The following WIPF1 variants were observed in gnomAD, a reference collection of about 807,000 sequenced individuals.
WIPF1 encodes WAS/WASL-interacting protein family member 1.
Under a neutral mutation model 35.4 loss-of-function variants are expected in WIPF1, and 13 were observed. The ratio of observed to expected loss-of-function variants is 0.37; its 90% CI spans 0.24 to 0.58. The LOEUF (loss-of-function observed/expected upper bound fraction) is 0.58. WIPF1 is among the 20% of genes least tolerant of loss of function. WIPF1 has a pLI of 0.74. For synonymous variants in WIPF1, 267 were observed against 266.3 expected, an observed-to-expected ratio of 1.00 and a Z score of -0.02; for missense variants, 591 against 667.0, an observed-to-expected ratio of 0.89 and a Z score of 1.25.
At chr2:174,659,890 T>A (rs1687721658) in intron 1 of WIPF1, among the ~76,000 whole-genome samples, 1 of 152,056 alleles carries the variant, frequency 6.6e-6, no homozygotes, top group African/African-American at 2.4e-5. Flanking sequence ...GGCCTGGGAG[T>A]AGGGTCAAGC....
intron 1 of WIPF1, chr2:174,625,948 G>A (rs1052675378): frequency 2.6e-5 from 4 of 152,086 alleles, no homozygotes; most frequent in East Asian, 3.9e-4. Context: ...GAGGGCCAGC[G>A]GTATCTCCTT....
rs1158052520 is a variant in WIPF1 at position 174,595,109 on chromosome 2, A to AATAT, written c.-39+2488_-39+2491dup. On this transcript the variant is annotated intron_variant, in intron 1 of 7. Transcript: ENST00000679041. ...TCTACAAAAAAAAAAAAAAAAAAAA[A>AATAT]ATATATATATATATATATATATATA... 3.1e-3 allele frequency among the ~76,000 whole-genome samples: 176 copies of AATAT among 57,676 alleles called. 1 individual carries two copies. Among genetic ancestry groups the AATAT allele is most frequent in the African/African-American group, 6.2e-3 (69 of 11,144 alleles). The allele number at this position is 57,676 out of a possible 152,430, so 37.8% of individuals were successfully genotyped here. A position where few individuals can be genotyped will look rare whatever the true frequency, so the allele number is the denominator to read the frequency against.
chr2:174,595,109 A>AAAAAAATATATATATAT (rs1553529785), intron 1 of WIPF1, among the ~76,000 whole-genome samples: 1 of 57,738 alleles, frequency 1.7e-5, no homozygotes, highest in African/African-American at 9.0e-5. Flanking sequence ...AAAAAAAAAA[A>AAAAAAATATATATATAT]ATATATATAT....
intron 5 of WIPF1, chr2:174,570,409 G>A (rs1008544616): frequency 6.6e-6 from 1 of 152,100 alleles, no homozygotes; most frequent in Non-Finnish European, 1.5e-5. Flanking sequence ...ATATTTTTCA[G>A]TATTTCTATA....
chr2:174,571,274 T>C lies in WIPF1; in HGVS notation c.1129+402A>G. On this transcript the variant is annotated intron_variant, in intron 5 of 7. Transcript: ENST00000679041. The surrounding 1 kb of genome is among the most constrained non-coding windows in gnomAD (Gnocchi z 4.6). ...TCATTAGCTCTTGAAGAACTTCCCCTCTTGTTGGAATAACAGAGCCCTCCT... is the reference window on the plus strand; with the variant it reads ...TCATTAGCTCTTGAAGAACTTCCCCCCTTGTTGGAATAACAGAGCCCTCCT... 2.4e-6 allele frequency: 1 copy of C among 415,766 alleles called. No homozygotes were observed. The highest frequency in any genetic ancestry group is 3.1e-5 in the South Asian group (1 of 32,264). 25.8% of individuals were successfully genotyped at this position (415,766 alleles called of 1,614,324 possible). A position where few individuals can be genotyped will look rare whatever the true frequency, so the allele number is the denominator to read the frequency against.
chr2:174,649,166 C>T (rs1687481232), intron 1 of WIPF1, among the ~76,000 whole-genome samples: 1 of 152,128 alleles, frequency 6.6e-6, no homozygotes, highest in Non-Finnish European at 1.5e-5. Flanking sequence ...TCAGGCCATA[C>T]TAGGGGTGAT....
chr2:174,633,335 T>C (rs537017710), intron 1 of WIPF1, among the ~76,000 whole-genome samples: 2 of 152,108 alleles, frequency 1.3e-5, no homozygotes, highest in African/African-American at 4.8e-5. Context: ...TTGTTTATCA[T>C]ACAGACACAT....
chr2:174,563,384 C>T (rs1278656632), intron 7 of WIPF1, among the ~76,000 whole-genome samples: 1 of 152,024 alleles, frequency 6.6e-6, no homozygotes, highest in Non-Finnish European at 1.5e-5. Context: ...CCAGTCTGGG[C>T]AACATAGCAA....
chr2:174,595,668 G>A (rs1278028476), intron 1 of WIPF1, among the ~76,000 whole-genome samples: 1 of 152,188 alleles, frequency 6.6e-6, no homozygotes, highest in African/African-American at 2.4e-5. Flanking sequence ...GCCTATGTGT[G>A]TACACCCATG....
intron 1 of WIPF1, among the ~76,000 whole-genome samples, chr2:174,668,114 A>G (rs1687931073): frequency 2.0e-5 from 3 of 152,126 alleles, no homozygotes; most frequent in Admixed American, 2.0e-4. Context: ...GGCACTGTTA[A>G]CCTTGGTCCT....
intron 1 of WIPF1, among the ~76,000 whole-genome samples, chr2:174,603,643 G>A (rs753594298): frequency 6.6e-6 from 1 of 152,304 alleles, no homozygotes; most frequent in East Asian, 1.9e-4. Context: ...GATAAATGTA[G>A]GCTCAAAACT....
chr2:174,667,347 G>A (rs1687913541), intron 1 of WIPF1, among the ~76,000 whole-genome samples: 2 of 152,130 alleles, frequency 1.3e-5, no homozygotes, highest in South Asian at 2.1e-4. Context: ...CTGTGGGTGG[G>A]ATCATGCAAG....
In WIPF1 at chr2:174,572,067, G is replaced by T. The variant is rs1279536286; in HGVS notation, c.738C>A (p.Phe246Leu). The change falls in exon 5 of 8, where the codon TTC becomes TTA. Residue 246 changes from phenylalanine to leucine, a missense_variant. Coordinates refer to ENST00000679041, the MANE Select transcript of WIPF1 (RefSeq NM_001375834.1). Reference sequence around the variant, plus strand: ...TAGGCGGCAGGGGAGGCCGGTTGGAGAAGGGCGAGGAGGAGCTCAAGGGGG... The same window carrying T: ...TAGGCGGCAGGGGAGGCCGGTTGGATAAGGGCGAGGAGGAGCTCAAGGGGG... ...RQSPLSSSSPFSNRPPLPPTP... is the reference protein window; with the variant it reads ...RQSPLSSSSPLSNRPPLPPTP... 6.4e-7 allele frequency: 1 copy of T among 1,556,210 alleles called. No homozygotes were observed. Among genetic ancestry groups the T allele is most frequent in the African/African-American group, 1.4e-5 (1 of 73,266 alleles).
chr2:174,598,653 A>G (rs558874102), upstream of WIPF1, among the ~76,000 whole-genome samples: 1 of 152,304 alleles, frequency 6.6e-6, no homozygotes, highest in African/African-American at 2.4e-5. Flanking sequence ...TTTGGTGCCC[A>G]AGTCAGGGTA....
intron 1 of WIPF1, among the ~76,000 whole-genome samples, chr2:174,672,448 A>G (rs1253430073): frequency 6.6e-6 from 1 of 152,236 alleles, no homozygotes; most frequent in Non-Finnish European, 1.5e-5. Flanking sequence ...CAAGTATACA[A>G]TGAGATTCAA....
intron 1 of WIPF1, among the ~76,000 whole-genome samples, chr2:174,595,133 T>TATATATATAC (rs1273441559): frequency 2.3e-4 from 22 of 94,352 alleles, no homozygotes; most frequent in Non-Finnish European, 4.3e-4. Context: ...TATATATATA[T>TATATATATAC]ATATATAATT....
At chr2:174,647,437 G>A (rs570047718) in intron 1 of WIPF1, among the ~76,000 whole-genome samples, 19 of 151,580 alleles carry the variant, frequency 1.3e-4, no homozygotes, top group Non-Finnish European at 2.4e-4. Flanking sequence ...GCAATGGCGC[G>A]ATCTCAGCTC....
At chr2:174,583,869 G>T (rs1241264758) in intron 2 of WIPF1, among the ~76,000 whole-genome samples, 3 of 152,092 alleles carry the variant, frequency 2.0e-5, no homozygotes, top group Admixed American at 2.0e-4. Context: ...ACCCAGGCTG[G>T]AGTGCAGTAG....
At chr2:174,675,921 CTT>C (rs11403701) in intron 1 of WIPF1, among the ~76,000 whole-genome samples, 9 of 114,638 alleles carry the variant, frequency 7.9e-5, no homozygotes, top group East Asian at 2.4e-4. Flanking sequence ...TACCCGATTT[CTT>C]TTTTTTTTTT....
Sources: allele counts gnomAD v4.1 joint callset (sites outside exome capture counted in the v4.1 genomes callset), GRCh38; gene constraint gnomAD v4.1.1; non-coding constraint Gnocchi (gnomAD v3.1); transcripts MANE v1.5; gene names NCBI Gene and HGNC (gene_info 2026-07-23, HGNC 2026-07-21).